The following GRID1 variants were observed in gnomAD, a reference collection of about 807,000 sequenced individuals.
The protein encoded by GRID1 is glutamate receptor ionotropic, delta-1.
In GRID1, 28 loss-of-function variants were observed where a neutral mutation model predicts 98.0. That is an observed-to-expected ratio of 0.29 (90% CI 0.21 to 0.39). The LOEUF is 0.39. Among genes scored for constraint, GRID1 ranks in the 10% least tolerant of loss-of-function variants. The probability of loss-of-function intolerance (pLI) is 1.00; values close to 1 mark genes in which losing one functional copy is unlikely to be tolerated. For synonymous variants in GRID1, 553 were observed against 538.5 expected (o/e 1.03, Z -0.37); for missense variants, 1,111 against 1,340.5 (o/e 0.83, Z 2.67).
At chr10:86,104,781 A>G (rs1427347933) in intron 4 of GRID1, among the ~76,000 whole-genome samples, 1 of 152,216 alleles carries the variant, frequency 6.6e-6, no homozygotes, top group Non-Finnish European at 1.5e-5. Flanking sequence ...GGTCAGGTCC[A>G]GCTGAATTCA....
chr10:85,821,436 G>A (rs1232244372), intron 8 of GRID1, among the ~76,000 whole-genome samples: 1 of 131,140 alleles, frequency 7.6e-6, no homozygotes, highest in Non-Finnish European at 1.6e-5. Context: ...AGAATCACTT[G>A]AACCCGGGAG....
At chr10:86,030,966 C>A (rs116557055) in intron 4 of GRID1, among the ~76,000 whole-genome samples, 2 of 152,150 alleles carry the variant, frequency 1.3e-5, no homozygotes, top group East Asian at 3.9e-4. Flanking sequence ...GTGCCTTCTG[C>A]GTGCACTATG....
intron 2 of GRID1, among the ~76,000 whole-genome samples, chr10:86,311,414 C>G (rs1847830656): frequency 6.6e-6 from 1 of 152,168 alleles, no homozygotes; most frequent in African/African-American, 2.4e-5. Context: ...TATACTTGCT[C>G]CCATAATGCT....
At chr10:85,685,745 A>C (rs1264233747) in intron 12 of GRID1, among the ~76,000 whole-genome samples, 1 of 152,180 alleles carries the variant, frequency 6.6e-6, no homozygotes, top group African/African-American at 2.4e-5. Context: ...ATGCCTACAT[A>C]CTTTATTTAT....
chr10:85,632,792 G>A (rs746844018), intron 13 of GRID1, among the ~76,000 whole-genome samples: 20 of 152,196 alleles, frequency 1.3e-4, no homozygotes, highest in Non-Finnish European at 2.8e-4. Flanking sequence ...ATAGGTAAAC[G>A]TGTGCCATGG....
At chr10:86,026,173 C>T (rs954672857) in intron 4 of GRID1, among the ~76,000 whole-genome samples, 16 of 152,208 alleles carry the variant, frequency 1.1e-4, no homozygotes, top group African/African-American at 3.9e-4. Flanking sequence ...ACGTTTCACA[C>T]TATTTGTTTG....
intron 8 of GRID1, among the ~76,000 whole-genome samples, chr10:85,846,416 C>T (rs1056521189): frequency 3.3e-5 from 5 of 152,070 alleles, no homozygotes; most frequent in African/African-American, 1.2e-4. Flanking sequence ...CCCAGCTACT[C>T]GTGGGCCTGC....
intron 2 of GRID1, among the ~76,000 whole-genome samples, chr10:86,278,315 TG>T (rs1417479728): frequency 6.6e-6 from 1 of 152,164 alleles, no homozygotes; most frequent in Non-Finnish European, 1.5e-5. Context: ...AAAGTTTCAT[TG>T]TACATAAATT....
intron 4 of GRID1, among the ~76,000 whole-genome samples, chr10:85,965,958 C>A (rs1842331466): frequency 6.6e-6 from 1 of 152,100 alleles, no homozygotes. Flanking sequence ...GCCTTAAAAA[C>A]CAGCAATCAC....
At chr10:86,041,385 G>C (rs1228282802) in intron 4 of GRID1, among the ~76,000 whole-genome samples, 3 of 152,174 alleles carry the variant, frequency 2.0e-5, no homozygotes, top group Admixed American at 1.3e-4. Flanking sequence ...AAGCATGTTT[G>C]AGCTGCAAGT....
intron 2 of GRID1, among the ~76,000 whole-genome samples, chr10:86,357,948 C>T (rs117833356): frequency 0.033 from 5,053 of 152,252 alleles, 113 homozygotes; most frequent in Middle Eastern, 0.051. Context: ...TGGGCCTAGA[C>T]GGTGAGGTTC....
intron 12 of GRID1, among the ~76,000 whole-genome samples, chr10:85,670,865 C>T (rs541434729): frequency 1.3e-5 from 2 of 152,316 alleles, no homozygotes; most frequent in Admixed American, 6.5e-5. Flanking sequence ...TGCATCCAGT[C>T]ATAGATGGTT....
At chr10:85,736,099 A>AAG (rs1333199508) in intron 8 of GRID1, among the ~76,000 whole-genome samples, 1 of 134,926 alleles carries the variant, frequency 7.4e-6, no homozygotes, top group Admixed American at 7.5e-5. Flanking sequence ...GGAAGGAAGG[A>AAG]GAGAAGGAAG....
intron 5 of GRID1, among the ~76,000 whole-genome samples, chr10:85,878,163 C>T (rs1017385096): frequency 1.2e-4 from 19 of 152,104 alleles, no homozygotes; most frequent in Non-Finnish European, 2.5e-4. Context: ...CTGAAAGTGA[C>T]GGGGAGAATG....
chr10:85,893,255 A>C (rs1841231388), intron 5 of GRID1, among the ~76,000 whole-genome samples: 1 of 152,180 alleles, frequency 6.6e-6, no homozygotes, highest in African/African-American at 2.4e-5. Context: ...GGATATCAAC[A>C]ATCAACCTAC....
intron 4 of GRID1, among the ~76,000 whole-genome samples, chr10:85,928,552 C>T (rs902639979): frequency 6.6e-6 from 1 of 152,222 alleles, no homozygotes; most frequent in African/African-American, 2.4e-5. Context: ...AAAAGTGGCA[C>T]GACAGGAAGC....
At chr10:86,136,668 G>T (rs1403106048) in intron 4 of GRID1, among the ~76,000 whole-genome samples, 1 of 152,180 alleles carries the variant, frequency 6.6e-6, no homozygotes, top group Non-Finnish European at 1.5e-5. Flanking sequence ...ATGAGAACAG[G>T]GATCAAGACT....
Position 86,200,108 on chromosome 10 carries a change from T to A in GRID1, c.520+6256A>T, listed in dbSNP as rs1845926904. ...TTCCTCTGGAAAGAGGGAAGCAAGT[T>A]CTTCCCTCTGCTTAGAACACTCTTC... is the stretch of plus-strand genomic sequence containing the variant. On this transcript the variant is annotated intron_variant, in intron 3 of 15. Transcript: ENST00000327946. 1.3e-5 allele frequency among the ~76,000 whole-genome samples: 2 copies of A among 149,966 alleles called. 1 individual carries two copies. The highest frequency in any genetic ancestry group is 4.2e-4 in the South Asian group (2 of 4,800).
chr10:85,873,095 C>A (rs1315831612), intron 5 of GRID1, among the ~76,000 whole-genome samples: 4 of 152,196 alleles, frequency 2.6e-5, no homozygotes, highest in Non-Finnish European at 5.9e-5. Context: ...TCTTGTAGTG[C>A]CACAGGGGTG....
Sources: allele counts gnomAD v4.1 joint callset (sites outside exome capture counted in the v4.1 genomes callset), GRCh38; gene constraint gnomAD v4.1.1; transcripts MANE v1.5; gene names NCBI Gene and HGNC (gene_info 2026-07-23, HGNC 2026-07-21).